Variants in PDZD2 observed in about 807,000 individuals in gnomAD.
PDZD2 encodes PDZ domain-containing protein 2.
In PDZD2, 90 loss-of-function variants were observed where a neutral mutation model predicts 220.7. The observed-to-expected ratio is 0.41, with a 90% CI of 0.34 to 0.49. PDZD2 has a LOEUF of 0.49. Among genes scored for constraint, PDZD2 ranks in the 20% least tolerant of loss-of-function variants. The pLI is 0.28. For synonymous variants in PDZD2, 1,375 were observed against 1,450.5 expected, an observed-to-expected ratio of 0.95 and a Z score of 1.18; for missense variants, 3,174 against 3,608.5, an observed-to-expected ratio of 0.88 and a Z score of 3.08.
intron 1 of PDZD2, among the ~76,000 whole-genome samples, chr5:31,685,592 C>T (rs1746824078): frequency 6.6e-6 from 1 of 152,150 alleles, no homozygotes; most frequent in African/African-American, 2.4e-5. Flanking sequence ...GGTGTTTTCT[C>T]AGCTCACTGC....
chr5:31,773,363 A>G (rs1331409600), intron 1 of PDZD2, among the ~76,000 whole-genome samples: 1 of 152,066 alleles, frequency 6.6e-6, no homozygotes, highest in Admixed American at 6.6e-5. Flanking sequence ...TGAAAGGCAG[A>G]CGCGGTGGCT....
At chr5:31,944,096 C>T (rs1173136070) in intron 2 of PDZD2, among the ~76,000 whole-genome samples, 1 of 152,182 alleles carries the variant, frequency 6.6e-6, no homozygotes, top group Non-Finnish European at 1.5e-5. Context: ...CAGGTTACTA[C>T]ATTACAAATC....
chr5:31,860,660 G>A (rs1270906432), intron 2 of PDZD2, among the ~76,000 whole-genome samples: 1 of 152,102 alleles, frequency 6.6e-6, no homozygotes, highest in Non-Finnish European at 1.5e-5. Context: ...TTTCATCTCA[G>A]CAGTAGTCAT....
intron 1 of PDZD2, among the ~76,000 whole-genome samples, chr5:31,781,865 G>A (rs1482607003): frequency 6.6e-6 from 1 of 152,146 alleles, no homozygotes; most frequent in Admixed American, 6.5e-5. Context: ...CAGGGTTTGG[G>A]CGAATAGAGG....
intron 1 of PDZD2, among the ~76,000 whole-genome samples, chr5:31,737,807 G>C (rs1274213761): frequency 6.6e-6 from 1 of 152,204 alleles, no homozygotes; most frequent in Non-Finnish European, 1.5e-5. Context: ...TGACTACTTA[G>C]AATGAAATAA....
At chr5:32,046,688 G>C (rs182379733) in intron 7 of PDZD2, among the ~76,000 whole-genome samples, 1 of 152,104 alleles carries the variant, frequency 6.6e-6, no homozygotes, top group Non-Finnish European at 1.5e-5. Flanking sequence ...GCGTAGACAC[G>C]GAGAAGATAT....
At chr5:31,884,692 G>A (rs1175438116) in intron 2 of PDZD2, among the ~76,000 whole-genome samples, 3 of 152,106 alleles carry the variant, frequency 2.0e-5, no homozygotes, top group African/African-American at 7.2e-5. Flanking sequence ...AGGTTTAGGC[G>A]ATTCTCCTGC....
rs1268501596 is a variant in PDZD2 at position 32,073,912 on chromosome 5, C to G, written c.2806C>G (p.Gln936Glu). The G allele has an allele frequency of 1.2e-6, 2 of 1,613,926 alleles. No homozygotes were observed. The highest frequency in any genetic ancestry group is 2.7e-5 in the African/African-American group (2 of 74,902). The change falls in exon 18 of 25, where the codon CAG (glutamine) becomes GAG (glutamate). Residue 936 changes from glutamine (Q) to glutamate (E), a missense_variant. Gln to Glu is a conservative substitution (Grantham distance 29). This residue lies in a region of PDZD2 where 1,861 missense variants were observed against 2,001.0 expected (regional missense o/e 0.93). Transcript: ENST00000438447. Reference sequence around the variant, plus strand: ...TCGGGCTTCTGGGCTCTTCCACAAGCAGGTGACAGTTGCCAGACAAGCCAG... The same window carrying G: ...TCGGGCTTCTGGGCTCTTCCACAAGGAGGTGACAGTTGCCAGACAAGCCAG... The part of the protein sequence containing the change: ...SHRASGLFHK[Q>E]VTVARQASLP...
At position 31,772,403 on chromosome 5, in the gene PDZD2, T is replaced by C. The variant is rs746876218; in HGVS notation, c.-360-26486T>C. ...AGCCAACAGGAGAACAACACAGCAG[T>C]AGGGGCTACCTGCATCAGGAATAAG... On this transcript the variant is annotated intron_variant, in intron 1 of 24. Coordinates refer to ENST00000438447, the MANE Select transcript of PDZD2 (RefSeq NM_178140.4). Among the ~76,000 whole-genome samples, 67 of 152,336 alleles carry C rather than the reference T, an allele frequency of 4.4e-4. No homozygotes were observed. The Middle Eastern group carries it at 0.01, about 23-fold the overall frequency.
intron 1 of PDZD2, among the ~76,000 whole-genome samples, chr5:31,790,350 G>A (rs927157165): frequency 6.6e-6 from 1 of 152,124 alleles, no homozygotes; most frequent in Non-Finnish European, 1.5e-5. Flanking sequence ...CTCCCACCTC[G>A]GCCTCCCAAA....
chr5:31,887,546 C>A (rs1740622402), intron 2 of PDZD2, among the ~76,000 whole-genome samples: 1 of 152,242 alleles, frequency 6.6e-6, no homozygotes, highest in East Asian at 1.9e-4. Context: ...CAATAGGAAC[C>A]ATTTTTACAG....
chr5:32,026,210 C>T (rs1230276254), intron 6 of PDZD2, among the ~76,000 whole-genome samples: 1 of 150,566 alleles, frequency 6.6e-6, no homozygotes, highest in African/African-American at 2.4e-5. Context: ...AATCTTGGCT[C>T]ACTACAACCT....
intron 2 of PDZD2, among the ~76,000 whole-genome samples, chr5:31,829,597 A>G (rs1361972047): frequency 6.6e-6 from 1 of 152,048 alleles, no homozygotes; most frequent in African/African-American, 2.4e-5. Flanking sequence ...GATTACAGGC[A>G]TGAACCACCA....
rs191324879 is a variant in PDZD2 at position 31,723,227 on chromosome 5, C to T, written c.-360-75662C>T. ...TTCTTTACAGGCGAAGCCTAGATTACTAACACCAAAACTGAAAAAAATAAT... is the reference window on the plus strand; with the variant it reads ...TTCTTTACAGGCGAAGCCTAGATTATTAACACCAAAACTGAAAAAAATAAT... On this transcript the variant is annotated intron_variant, in intron 1 of 24. Coordinates refer to ENST00000438447, the MANE Select transcript of PDZD2 (RefSeq NM_178140.4). Among the ~76,000 whole-genome samples the T allele has an allele frequency of 8.8e-4, 134 of 152,322 alleles. 2 individuals are homozygous for T. Among genetic ancestry groups the T allele is most frequent in the African/African-American group, 3.0e-3 (124 of 41,584 alleles).
At chr5:31,882,365 C>T (rs1403714697) in intron 2 of PDZD2, among the ~76,000 whole-genome samples, 2 of 152,190 alleles carry the variant, frequency 1.3e-5, no homozygotes, top group East Asian at 3.9e-4. Context: ...GCTGCCCCAT[C>T]TCTCCTGGGA....
chr5:31,841,318 G>A (rs1455447871), intron 2 of PDZD2, among the ~76,000 whole-genome samples: 5 of 152,166 alleles, frequency 3.3e-5, no homozygotes, highest in Non-Finnish European at 4.4e-5. Flanking sequence ...TACCAAATGT[G>A]TGACCTTGGG....
intron 6 of PDZD2, among the ~76,000 whole-genome samples, chr5:32,018,496 G>A (rs1408920845): frequency 2.6e-5 from 4 of 152,192 alleles, no homozygotes; most frequent in East Asian, 3.9e-4. Flanking sequence ...AACCTGCTCC[G>A]GATCCTCATG....
At chr5:32,079,032 G>T (rs939108559) in intron 19 of PDZD2, among the ~76,000 whole-genome samples, 10 of 151,540 alleles carry the variant, frequency 6.6e-5, no homozygotes, top group Non-Finnish European at 1.2e-4. Flanking sequence ...GCCAAGGGGG[G>T]GCCGATCACT....
intron 2 of PDZD2, among the ~76,000 whole-genome samples, chr5:31,815,821 AT>A (rs993186038): frequency 3.9e-4 from 59 of 152,042 alleles, no homozygotes; most frequent in African/African-American, 1.3e-3. Context: ...GTGTAAATAA[AT>A]TTTTTTTTTA....
Sources: gnomAD v4.1 joint callset for allele counts (sites outside exome capture counted in the v4.1 genomes callset) on GRCh38, gnomAD v4.1.1 for gene constraint, gnomAD v4.1.1 regional missense constraint, MANE v1.5 for transcripts, NCBI Gene and HGNC (gene_info 2026-07-23, HGNC 2026-07-21) for gene names.